The following ATXN10 variants were observed in gnomAD, a reference collection of about 807,000 sequenced individuals.
The protein encoded by ATXN10 is ataxin 10.
In ATXN10, 28 loss-of-function variants were observed where a neutral mutation model predicts 52.9. The observed-to-expected ratio is 0.53, with a 90% confidence interval of 0.39 to 0.73. ATXN10 has a LOEUF of 0.73. ATXN10 is among the 30% of genes least tolerant of loss of function. The pLI is 0.00. For synonymous variants in ATXN10, 226 were observed against 221.5 expected, an observed-to-expected ratio of 1.02 and a Z score of -0.18; for missense variants, 565 against 577.0, an observed-to-expected ratio of 0.98 and a Z score of 0.21.
intron 6 of ATXN10, among the ~76,000 whole-genome samples, chr22:45,723,696 C>A (rs964961086): frequency 6.6e-6 from 1 of 152,112 alleles, no homozygotes; most frequent in Non-Finnish European, 1.5e-5. Context: ...TGGCTCACAC[C>A]TGTAATCCCA....
At chr22:45,782,624 G>A (rs909494584) in intron 9 of ATXN10, among the ~76,000 whole-genome samples, 2 of 152,098 alleles carry the variant, frequency 1.3e-5, no homozygotes, top group African/African-American at 4.8e-5. Context: ...GTTATCAACT[G>A]GGAGAGGACA....
In ATXN10 at chr22:45,840,838, T is replaced by C. The variant is rs147622094; in HGVS notation, c.1238-2153T>C. ...GACGTTTCAGAAAGGAGTGTTATGC[T>C]TCTTTCATTTACCATTAGAGAGTTA... On this transcript the variant is annotated intron_variant, in intron 10 of 11. Transcript: ENST00000252934. This position sits in a 1 kb window ranked among gnomAD's most constrained non-coding sequence, Gnocchi z 5.8. Among the ~76,000 whole-genome samples, 266 of 152,356 alleles carry C rather than the reference T, an allele frequency of 1.7e-3. 3 individuals are homozygous for C. The South Asian group carries it at 0.019, about 11-fold the overall frequency.
intron 10 of ATXN10, 130 bp downstream of exon 10, chr22:45,807,152 C>T: frequency 1.3e-6 from 1 of 784,248 alleles, no homozygotes. Flanking sequence ...TCCTGAGAAC[C>T]AAATCATTTT....
chr22:45,718,369 A>G lies in ATXN10; in HGVS notation c.648-44A>G, dbSNP rs188691972. On this transcript the variant is annotated intron_variant, in intron 5 of 11. Coordinates refer to ENST00000252934, the MANE Select transcript of ATXN10 (RefSeq NM_013236.4). The surrounding 1 kb of genome is among the most constrained non-coding windows in gnomAD (Gnocchi z 4.4). The stretch of plus-strand genomic sequence containing the variant: ...AAGTAGATAAGGGCATGTCTCTTTT[A>G]CTATGTTTCAAGTAACCAAACTTTC... 6.0e-5 allele frequency: 87 copies of G among 1,442,024 alleles called. No homozygotes were observed. Among genetic ancestry groups the G allele is most frequent in the Admixed American group, 5.2e-4 (31 of 59,722 alleles). The allele number at this position is 1,442,024 out of a possible 1,614,324, so 89.3% of individuals were successfully genotyped here.
At chr22:45,776,449 A>T (rs927450425) in intron 9 of ATXN10, among the ~76,000 whole-genome samples, 5 of 151,614 alleles carry the variant, frequency 3.3e-5, no homozygotes, top group African/African-American at 1.2e-4. Flanking sequence ...CTCTCAGGAA[A>T]GTTCACACAC....
In ATXN10 at chr22:45,781,360, C is replaced by G. The variant is rs567389594; in HGVS notation, c.1174-25599C>G. ...CCGAGTAGGGAGCATGAACAACCAG[C>G]TCTGCCCAGCAGTAGTGAGGCACCC... On this transcript the variant is annotated intron_variant, in intron 9 of 11. Coordinates refer to ENST00000252934, the MANE Select transcript of ATXN10 (RefSeq NM_013236.4). The surrounding 1 kb of genome is among the most constrained non-coding windows in gnomAD (Gnocchi z 4.2). 6.6e-6 allele frequency among the ~76,000 whole-genome samples: 1 copy of G among 152,280 alleles called. No homozygotes were observed. The highest frequency in any genetic ancestry group is 2.1e-4 in the South Asian group (1 of 4,822).
In ATXN10 at chr22:45,837,397, A is replaced by T. The variant is rs1025934753; in HGVS notation, c.1238-5594A>T. 2.6e-5 allele frequency among the ~76,000 whole-genome samples: 4 copies of T among 152,082 alleles called. No homozygotes were observed. The highest frequency in any genetic ancestry group is 2.1e-4 in the South Asian group (1 of 4,820). ...TGCCTCAGCCTCCCGAGTAGCTGGGACTGCAGGCGGCTCACCAGCACGCCC... is the reference window on the plus strand; with the variant it reads ...TGCCTCAGCCTCCCGAGTAGCTGGGTCTGCAGGCGGCTCACCAGCACGCCC... On this transcript the variant is annotated intron_variant, in intron 10 of 11. Transcript: ENST00000252934. This position sits in a 1 kb window ranked among gnomAD's most constrained non-coding sequence, Gnocchi z 5.8.
intron 5 of ATXN10, among the ~76,000 whole-genome samples, chr22:45,717,648 C>T (rs1040392583): frequency 1.3e-5 from 2 of 152,140 alleles, no homozygotes; most frequent in African/African-American, 4.8e-5. Flanking sequence ...ATTTGGTTAT[C>T]AGACTGAATA....
chr22:45,726,578 C>T (rs984719439), intron 6 of ATXN10, among the ~76,000 whole-genome samples: 1 of 152,086 alleles, frequency 6.6e-6, no homozygotes, highest in African/African-American at 2.4e-5. Context: ...AATGGTCTAT[C>T]GATTTTATTT....
rs199738566 is a variant in ATXN10 at position 45,772,900 on chromosome 22, A to G, written c.1173+32362A>G. ...ATGGTATGGTATTTGCATATCACCT[A>G]TGTACATCCTCCCGTATACTTCAAA... On this transcript the variant is annotated intron_variant, in intron 9 of 11. Transcript: ENST00000252934. The surrounding 1 kb of genome is among the most constrained non-coding windows in gnomAD (Gnocchi z 4.1). Among the ~76,000 whole-genome samples, 21 of 152,382 alleles carry G rather than the reference A, an allele frequency of 1.4e-4. No individual in the cohort carries two copies. In the South Asian group the frequency reaches 3.7e-3, roughly 27 times the overall value.
At chr22:45,689,998 T>C in intron 2 of ATXN10, 95 bp downstream of exon 2, 1 of 1,337,708 alleles carries the variant, frequency 7.5e-7, no homozygotes, top group Admixed American at 1.7e-5. Flanking sequence ...TTGGGCTGGG[T>C]AAGGTGGCTC....
At chr22:45,822,866 A>G (rs144811519) in intron 10 of ATXN10, among the ~76,000 whole-genome samples, 1 of 152,142 alleles carries the variant, frequency 6.6e-6, no homozygotes, top group African/African-American at 2.4e-5. Context: ...ATTTTTGGCT[A>G]TTTGGATTTC....
At chr22:45,822,133 T>C (rs1301973500) in intron 10 of ATXN10, among the ~76,000 whole-genome samples, 1 of 152,238 alleles carries the variant, frequency 6.6e-6, no homozygotes, top group Non-Finnish European at 1.5e-5. Context: ...ACTCTGAGAT[T>C]CACCAAAATT....
intron 3 of ATXN10, among the ~76,000 whole-genome samples, chr22:45,698,258 A>C (rs1299402633): frequency 6.6e-6 from 1 of 152,156 alleles, no homozygotes; most frequent in Admixed American, 6.5e-5. Flanking sequence ...CTTTTCACCG[A>C]CACCATACGA....
At position 45,738,763 on chromosome 22, in the gene ATXN10, CCTGTGCGAAATGA is replaced by C. The variant is rs1329521113; in HGVS notation, c.933_945del (p.Cys311Ter). On this transcript the variant is annotated frameshift_variant, in exon 8 of 12. Coordinates refer to ENST00000252934, the MANE Select transcript of ATXN10 (RefSeq NM_013236.4). LOFTEE classifies it high-confidence loss of function. The stretch of plus-strand genomic sequence containing the variant: ...TGGCTACAATTAGGCTTCTCGACGT[CCTGTGCGAAATGA>C]CTGTGAATACTGAGCTGCTCGGCTA... The C allele has an allele frequency of 1.2e-6, 2 of 1,614,126 alleles. No individual in the cohort carries two copies. The highest frequency in any genetic ancestry group is 4.5e-5 in the East Asian group (2 of 44,878).
In ATXN10 at chr22:45,825,834, C is replaced by A. The variant is rs888772696; in HGVS notation, c.1238-17157C>A. ...GTGGCTGACACCAGTAATCCCAGCACCTACCAGGGCAGATGGCTTGAGCTC... is the reference window on the plus strand; with the variant it reads ...GTGGCTGACACCAGTAATCCCAGCAACTACCAGGGCAGATGGCTTGAGCTC... On this transcript the variant is annotated intron_variant, in intron 10 of 11. Transcript: ENST00000252934. The surrounding 1 kb of genome is among the most constrained non-coding windows in gnomAD (Gnocchi z 4.5). Among the ~76,000 whole-genome samples the A allele has an allele frequency of 1.3e-5, 2 of 152,194 alleles. No individual in the cohort carries two copies. The highest frequency in any genetic ancestry group is 4.8e-5 in the African/African-American group (2 of 41,450).
rs1316294031 is a variant in ATXN10 at position 45,689,889 on chromosome 22, C to T, written c.294C>T (p.Asn98=). Residue 98 remains asparagine, a synonymous_variant, in exon 2 of 12, where the codon AAC becomes AAT. Transcript: ENST00000252934. Reference sequence around the variant, plus strand: ...ATGCTTGCATAGAGTGTTCTGTGAACCAGAATTCAATCAGGTAGTTACACA... The same window carrying T: ...ATGCTTGCATAGAGTGTTCTGTGAATCAGAATTCAATCAGGTAGTTACACA... The part of the protein sequence containing the change: ...LRNACIECSV[N]QNSIRNLDTI... The T allele has an allele frequency of 6.2e-7, 1 of 1,614,022 alleles. No individual in the cohort carries two copies. Among genetic ancestry groups the T allele is most frequent in the Non-Finnish European group, 8.5e-7 (1 of 1,179,974 alleles).
At chr22:45,722,915 A>C (rs1262273227) in intron 6 of ATXN10, among the ~76,000 whole-genome samples, 1 of 151,744 alleles carries the variant, frequency 6.6e-6, no homozygotes, top group Non-Finnish European at 1.5e-5. Context: ...ATACCTTAAC[A>C]CTCACAAATC....
chr22:45,678,492 G>A lies in ATXN10; in HGVS notation c.116+6313G>A, dbSNP rs1162754872. The A allele has an allele frequency of 6.6e-6, 1 of 152,074 alleles. No individual in the cohort carries two copies. The highest frequency in any genetic ancestry group is 1.5e-5 in the Non-Finnish European group (1 of 68,004). The allele number at this position is 152,074 out of a possible 1,614,324, so 9.4% of individuals were successfully genotyped here. A position where few individuals can be genotyped will look rare whatever the true frequency, so the allele number is the denominator to read the frequency against. On this transcript the variant is annotated intron_variant, in intron 1 of 11. Coordinates refer to ENST00000252934, the MANE Select transcript of ATXN10 (RefSeq NM_013236.4). The surrounding 1 kb of genome is among the most constrained non-coding windows in gnomAD (Gnocchi z 4.1). ...AAAAGTCACATTGTTTGGAGTAGAG[G>A]GGATGTGTTTAAAATGTGAACTCCT...
Sources: gnomAD v4.1 joint callset for allele counts (sites outside exome capture counted in the v4.1 genomes callset) on GRCh38, gnomAD v4.1.1 for gene constraint, Gnocchi (gnomAD v3.1) non-coding constraint, MANE v1.5 for transcripts, NCBI Gene and HGNC (gene_info 2026-07-23, HGNC 2026-07-21) for gene names.